The following MVB12B variants were observed in gnomAD, a reference collection of about 807,000 sequenced individuals.
MVB12B encodes the protein multivesicular body subunit 12B.
A neutral mutation model predicts 41.6 loss-of-function variants in MVB12B; 16 were observed. That is an observed-to-expected ratio of 0.38 (90% confidence interval 0.26 to 0.58). The LOEUF (loss-of-function observed/expected upper bound fraction) is 0.58, where lower values mean the gene tolerates loss of function less well. Ranked by LOEUF, MVB12B falls within the 20% of genes least tolerant of loss-of-function variation. The pLI is 0.62. For synonymous variants in MVB12B, 133 were observed against 139.7 expected (o/e 0.95, Z 0.34); for missense variants, 274 against 380.2 (o/e 0.72, Z 2.32).
intron 2 of MVB12B, among the ~76,000 whole-genome samples, chr9:126,378,595 G>GTCTC (rs550976810): frequency 6.6e-6 from 1 of 151,318 alleles, no homozygotes; most frequent in African/African-American, 2.4e-5. Context: ...GGTTAGGGGA[G>GTCTC]TCTCTCTCTC....
chr9:126,327,463 G>C (rs962692754), intron 1 of MVB12B, among the ~76,000 whole-genome samples: 1 of 152,212 alleles, frequency 6.6e-6, no homozygotes, highest in African/African-American at 2.4e-5. Flanking sequence ...CACTGCCTCT[G>C]TGACCTGGGC....
chr9:126,368,591 G>A (rs754709215), intron 2 of MVB12B, among the ~76,000 whole-genome samples: 3 of 152,142 alleles, frequency 2.0e-5, no homozygotes, highest in Non-Finnish European at 4.4e-5. Context: ...TCTAAATCAT[G>A]TAGAATTCTA....
At chr9:126,397,154 G>T (rs758081850) in intron 6 of MVB12B, 34 of 985,414 alleles carry the variant, frequency 3.5e-5, no homozygotes, top group Non-Finnish European at 4.0e-5. Flanking sequence ...CACAGGAGCA[G>T]TTGCCCTGAA....
At chr9:126,330,799 T>C (rs1829108687) in intron 1 of MVB12B, among the ~76,000 whole-genome samples, 1 of 152,068 alleles carries the variant, frequency 6.6e-6, no homozygotes, top group Non-Finnish European at 1.5e-5. Flanking sequence ...CATTCTGCTT[T>C]GTGTTTCTGT....
rs1335133392 is a variant in MVB12B, at chr9:126,478,647, AC to A, written c.758-2717del. On this transcript the variant is annotated intron_variant, in intron 7 of 9. Coordinates refer to ENST00000361171, the MANE Select transcript of MVB12B (RefSeq NM_033446.3). This position sits in a 1 kb window ranked among gnomAD's most constrained non-coding sequence, Gnocchi z 4.2. ...GCCAGGGCCTTCAATGCCAGTCGAG[AC>A]CCCCATCTTGGAAATCCTGCCCTTC... Among the ~76,000 whole-genome samples the A allele has an allele frequency of 1.3e-5, 2 of 151,808 alleles. No homozygotes were observed. The highest frequency in any genetic ancestry group is 3.9e-4 in the East Asian group (2 of 5,128).
rs889251438 is a variant in MVB12B at position 126,503,601 on chromosome 9, G to A, written c.*338G>A. 9.7e-5 allele frequency: 34 copies of A among 349,836 alleles called. No individual in the cohort carries two copies. Among genetic ancestry groups the A allele is most frequent in the Middle Eastern group, 7.8e-4 (1 of 1,286 alleles). The allele number at this position is 349,836 out of a possible 1,614,324, so 21.7% of individuals were successfully genotyped here. On this transcript the variant is annotated 3_prime_UTR_variant, in exon 10 of 10. Coordinates refer to ENST00000361171, the MANE Select transcript of MVB12B (RefSeq NM_033446.3). ...AGGGCCCCGGGCAGTTGCCCTGGCCGCCCAGTGACGCCCACCGGCTCCCTC... is the reference window on the plus strand; with the variant it reads ...AGGGCCCCGGGCAGTTGCCCTGGCCACCCAGTGACGCCCACCGGCTCCCTC...
At position 126,389,916 on chromosome 9, in the gene MVB12B, A is replaced by G. The variant is rs1158922773; in HGVS notation, c.410-2150A>G. On this transcript the variant is annotated intron_variant, in intron 4 of 9. Transcript: ENST00000361171. This position sits in a 1 kb window ranked among gnomAD's most constrained non-coding sequence, Gnocchi z 4.4. ...TGCTCGTAGATCTGCTCTAGCCCTC[A>G]GTTTCTGTGCCTGAGGAACCCACAG... is the stretch of plus-strand genomic sequence containing the variant. Among the ~76,000 whole-genome samples, 1 of 152,096 alleles carries G rather than the reference A, an allele frequency of 6.6e-6. No individual in the cohort carries two copies. The highest frequency in any genetic ancestry group is 1.5e-5 in the Non-Finnish European group (1 of 68,006).
chr9:126,421,702 A>C, intron 6 of MVB12B, 152 bp from the exon 7 acceptor site: 1 of 659,390 alleles, frequency 1.5e-6, no homozygotes, highest in Non-Finnish European at 2.8e-6. Flanking sequence ...CCAGTGGAGG[A>C]GTTATGCTTG....
chr9:126,405,435 C>T (rs1454041295), intron 6 of MVB12B, among the ~76,000 whole-genome samples: 6 of 151,898 alleles, frequency 4.0e-5, no homozygotes, highest in Non-Finnish European at 8.8e-5. Flanking sequence ...ACTTTAGGGT[C>T]GGTTTTGTGA....
chr9:126,449,931 G>A (rs1363669409), intron 7 of MVB12B, among the ~76,000 whole-genome samples: 1 of 152,206 alleles, frequency 6.6e-6, no homozygotes, highest in Non-Finnish European at 1.5e-5. Context: ...GCAAATCAAG[G>A]CAGTGGCCCA....
chr9:126,494,096 T>G (rs1001842205), intron 9 of MVB12B, among the ~76,000 whole-genome samples: 1 of 149,730 alleles, frequency 6.7e-6, no homozygotes, highest in African/African-American at 2.5e-5. Flanking sequence ...ATAGACATTG[T>G]TTTTTTTTTC....
intron 6 of MVB12B, among the ~76,000 whole-genome samples, chr9:126,404,524 C>G (rs1039101446): frequency 6.6e-6 from 1 of 152,224 alleles, no homozygotes; most frequent in Non-Finnish European, 1.5e-5. Context: ...CAGGTGGCCC[C>G]GCCATCTTCC....
intron 6 of MVB12B, among the ~76,000 whole-genome samples, chr9:126,402,902 C>T (rs1165332489): frequency 3.9e-5 from 6 of 152,228 alleles, no homozygotes; most frequent in South Asian, 4.1e-4. Context: ...GGAGCACGGA[C>T]GTCAGCACGG....
In MVB12B at chr9:126,450,219, G is replaced by A. The variant is rs1405689375; in HGVS notation, c.757+28271G>A. On this transcript the variant is annotated intron_variant, in intron 7 of 9. Coordinates refer to ENST00000361171, the MANE Select transcript of MVB12B (RefSeq NM_033446.3). ...AGAGCAGAGCCCCTGGCCCTCCCTG[G>A]GAAGGAAGGTCTGGCTCCCAGGTGG... Among the ~76,000 whole-genome samples the A allele has an allele frequency of 2.0e-5, 3 of 152,208 alleles. No homozygotes were observed. In the East Asian group the frequency reaches 5.8e-4, roughly 29 times the overall value.
intron 9 of MVB12B, among the ~76,000 whole-genome samples, chr9:126,501,461 A>C (rs528397729): frequency 1.3e-5 from 2 of 152,320 alleles, no homozygotes; most frequent in East Asian, 3.9e-4. Flanking sequence ...TTTGGGGGCC[A>C]CATGTCTGCT....
In MVB12B at chr9:126,503,515, A is replaced by C; in HGVS notation, c.*252A>C. ...TGTGCTGTAGTGACCAGCGGCTCCT[A>C]ACGTGTCTGTGTGATGACCAGTTGT... On this transcript the variant is annotated 3_prime_UTR_variant, in exon 10 of 10. Transcript: ENST00000361171. 1.8e-6 allele frequency: 1 copy of C among 543,506 alleles called. No individual in the cohort carries two copies. Among genetic ancestry groups the C allele is most frequent in the Non-Finnish European group, 3.3e-6 (1 of 305,928 alleles). The allele number at this position is 543,506 out of a possible 1,614,324, so 33.7% of individuals were successfully genotyped here.
At chr9:126,360,725 A>C (rs1466470299) in intron 2 of MVB12B, among the ~76,000 whole-genome samples, 1 of 152,190 alleles carries the variant, frequency 6.6e-6, no homozygotes, top group South Asian at 2.1e-4. Flanking sequence ...TCTCAGTGCT[A>C]TAAGTTTTTG....
At chr9:126,432,105 G>A (rs1832345336) in intron 7 of MVB12B, among the ~76,000 whole-genome samples, 1 of 152,194 alleles carries the variant, frequency 6.6e-6, no homozygotes, top group Non-Finnish European at 1.5e-5. Context: ...TGCCTTGACT[G>A]TAACGTTCCT....
intron 9 of MVB12B, among the ~76,000 whole-genome samples, chr9:126,490,287 C>A (rs1206264759): frequency 6.6e-6 from 1 of 152,188 alleles, no homozygotes; most frequent in East Asian, 1.9e-4. Context: ...TCCCCACCCA[C>A]GGTCCCGCCC....
Sources: allele counts gnomAD v4.1 joint callset (sites outside exome capture counted in the v4.1 genomes callset), GRCh38; gene constraint gnomAD v4.1.1; non-coding constraint Gnocchi (gnomAD v3.1); transcripts MANE v1.5; gene names NCBI Gene and HGNC (gene_info 2026-07-23, HGNC 2026-07-21).